The following NEK10 variants were observed in gnomAD, a reference collection of about 807,000 sequenced individuals.
NEK10 encodes the protein serine/threonine-protein kinase Nek10.
Under a neutral mutation model 159.8 loss-of-function variants are expected in NEK10, and 122 were observed. The observed-to-expected ratio is 0.76, with a 90% confidence interval of 0.66 to 0.89. The LOEUF is 0.89. Among genes scored for constraint, NEK10 ranks in the 40% least tolerant of loss-of-function variants. The probability of loss-of-function intolerance (pLI) is 0.00; values close to 1 mark genes in which losing one functional copy is unlikely to be tolerated. For synonymous variants in NEK10, 466 were observed against 457.1 expected (o/e 1.02, Z -0.25); for missense variants, 1,342 against 1,323.1 (o/e 1.01, Z -0.22).
chr3:27,238,051 G>A (rs1203353641), intron 23 of NEK10, among the ~76,000 whole-genome samples: 4 of 152,188 alleles, frequency 2.6e-5, no homozygotes, highest in African/African-American at 9.6e-5. Flanking sequence ...TGGGGATTAA[G>A]AAGGGGATGG....
Position 27,192,132 on chromosome 3 carries a change from A to G in NEK10, c.2402T>C (p.Leu801Ser). 1 of 1,614,166 alleles carries G rather than the reference A, an allele frequency of 6.2e-7. No individual in the cohort carries two copies. Among genetic ancestry groups the G allele is most frequent in the South Asian group, 1.1e-5 (1 of 91,084 alleles). Residue 801 changes from leucine to serine, a missense_variant, in exon 26 of 36, where the codon TTG (leucine) becomes TCG (serine). Transcript: ENST00000691995. ...TCGTTCCCGTTCTAGCTTCTTTTCC[A>G]AGGACAACTGGGATGTAGATAAGTT... ...LDNLSTSQLS[L>S]EKKLERERRR... is the part of the protein sequence containing the mutation.
chr3:27,284,267 C>T (rs931685539), intron 22 of NEK10, among the ~76,000 whole-genome samples: 1 of 152,076 alleles, frequency 6.6e-6, no homozygotes, highest in Non-Finnish European at 1.5e-5. Context: ...TGCCCATAAT[C>T]CCAGCTATTC....
intron 33 of NEK10, among the ~76,000 whole-genome samples, chr3:27,118,605 T>C (rs1031781184): frequency 1.3e-5 from 2 of 152,202 alleles, no homozygotes; most frequent in African/African-American, 4.8e-5. Context: ...GAGTGGGGCA[T>C]CCAGCTGCCC....
intron 6 of NEK10, among the ~76,000 whole-genome samples, chr3:27,316,571 G>C (rs1355165420): frequency 6.6e-6 from 1 of 152,114 alleles, no homozygotes; most frequent in East Asian, 1.9e-4. Flanking sequence ...ACATGAAGGA[G>C]ATTCATCTGA....
In NEK10 at chr3:27,252,395, C is replaced by G. The variant is rs567588138; in HGVS notation, c.2090+3901G>C. Among the ~76,000 whole-genome samples, 5 of 152,242 alleles carry G rather than the reference C, an allele frequency of 3.3e-5. No homozygotes were observed. In the South Asian group the frequency reaches 8.3e-4, roughly 25 times the overall value. ...TTCCAAGGAGGAGTATTTTGGAGAT[C>G]TGAAGGAACAGCAAGAAGGGAAAGG... On this transcript the variant is annotated intron_variant, in intron 23 of 35. Coordinates refer to ENST00000691995, the MANE Select transcript of NEK10 (RefSeq NM_001394966.1).
At chr3:27,151,361 G>A (rs1025710563) in intron 30 of NEK10, among the ~76,000 whole-genome samples, 1 of 152,118 alleles carries the variant, frequency 6.6e-6, no homozygotes, top group Non-Finnish European at 1.5e-5. Context: ...GTACCATCCT[G>A]GAGCTGGGTA....
chr3:27,172,661 T>G (rs1048402420), intron 28 of NEK10, among the ~76,000 whole-genome samples: 3 of 152,160 alleles, frequency 2.0e-5, no homozygotes, highest in Non-Finnish European at 2.9e-5. Flanking sequence ...GTGATCAATA[T>G]CTGAATTACC....
rs76249606 is a variant in NEK10, at chr3:27,142,191, T to A, written c.2870-609A>T. Among the ~76,000 whole-genome samples, 454 of 152,298 alleles carry A rather than the reference T, an allele frequency of 3.0e-3. 14 individuals carry two copies. In the East Asian group the frequency reaches 0.049, roughly 17 times the overall value. ...ATTCTCATCATACAGCCACACCACC[T>A]TCACAGTTTTCAGACTAATTCAGTG... is the stretch of plus-strand genomic sequence containing the variant. On this transcript the variant is annotated intron_variant, in intron 30 of 35. Transcript: ENST00000691995.
chr3:27,334,110 G>C (rs1466925448), intron 5 of NEK10, among the ~76,000 whole-genome samples: 1 of 152,112 alleles, frequency 6.6e-6, no homozygotes, highest in South Asian at 2.1e-4. Context: ...AGGGCCAGGG[G>C]ATTGCCCAGC....
chr3:27,162,270 C>G, intron 30 of NEK10: 1 of 1,015,148 alleles, frequency 9.9e-7, no homozygotes, highest in Non-Finnish European at 1.4e-6. Flanking sequence ...ATATTTCAAC[C>G]AACAGTGAAC....
At chr3:27,261,910 T>C (rs1221502015) in intron 22 of NEK10, among the ~76,000 whole-genome samples, 1 of 152,222 alleles carries the variant, frequency 6.6e-6, no homozygotes, top group Non-Finnish European at 1.5e-5. Context: ...GGTACCCCTG[T>C]ATTGGGTGCA....
intron 23 of NEK10, among the ~76,000 whole-genome samples, chr3:27,242,353 A>C (rs892993440): frequency 6.6e-6 from 1 of 152,314 alleles, no homozygotes; most frequent in South Asian, 2.1e-4. Flanking sequence ...ATTGCCATCC[A>C]TCCATCCTTC....
chr3:27,196,058 G>A (rs1340828146), intron 25 of NEK10, among the ~76,000 whole-genome samples: 1 of 152,104 alleles, frequency 6.6e-6, no homozygotes, highest in Non-Finnish European at 1.5e-5. Flanking sequence ...CTAAAAGGTA[G>A]AAATGGAATC....
At chr3:27,273,239 A>G (rs970509957) in intron 22 of NEK10, among the ~76,000 whole-genome samples, 25 of 152,298 alleles carry the variant, frequency 1.6e-4, no homozygotes, top group African/African-American at 5.8e-4. Context: ...ATAATTGCCC[A>G]AATTAAAATG....
At chr3:27,325,406 C>T (rs2045937084) in intron 5 of NEK10, among the ~76,000 whole-genome samples, 4 of 152,172 alleles carry the variant, frequency 2.6e-5, no homozygotes, top group African/African-American at 9.7e-5. Flanking sequence ...CCTTGTCAAA[C>T]ACAGCAATTA....
At chr3:27,190,637 A>C (rs1287014752) in intron 26 of NEK10, among the ~76,000 whole-genome samples, 4 of 152,308 alleles carry the variant, frequency 2.6e-5, no homozygotes, top group African/African-American at 9.6e-5. Flanking sequence ...TCTAATATGA[A>C]ATGACTCTTT....
intron 24 of NEK10, 54 bp downstream of exon 24, chr3:27,202,368 TAAGAAA>T: frequency 6.7e-7 from 1 of 1,503,342 alleles, no homozygotes; most frequent in Non-Finnish European, 9.0e-7. Flanking sequence ...ATCTGTTTAA[TAAGAAA>T]AAGAATTGCA....
chr3:27,260,790 G>A (rs2040341550), intron 22 of NEK10, among the ~76,000 whole-genome samples: 1 of 152,162 alleles, frequency 6.6e-6, no homozygotes, highest in African/African-American at 2.4e-5. Context: ...AGTTTCAGAA[G>A]GAATGGTACC....
intron 23 of NEK10, among the ~76,000 whole-genome samples, chr3:27,238,222 C>G (rs1378664451): frequency 6.6e-6 from 1 of 152,138 alleles, no homozygotes; most frequent in Non-Finnish European, 1.5e-5. Flanking sequence ...ATGATTTTAA[C>G]CAAGTATTGG....
Sources: allele counts gnomAD v4.1 joint callset (sites outside exome capture counted in the v4.1 genomes callset), GRCh38; gene constraint gnomAD v4.1.1; transcripts MANE v1.5; gene names NCBI Gene and HGNC (gene_info 2026-07-23, HGNC 2026-07-21).